Variants in EFHC2 observed in about 807,000 individuals in gnomAD.
The protein encoded by EFHC2 is EF-hand domain containing 2.
In EFHC2, 18 loss-of-function variants were observed where a neutral mutation model predicts 52.7. The ratio of observed to expected loss-of-function variants is 0.34; its 90% CI spans 0.24 to 0.51. The LOEUF (loss-of-function observed/expected upper bound fraction) is 0.51, where lower values mean the gene tolerates loss of function less well. Ranked by LOEUF, EFHC2 falls within the 20% of genes least tolerant of loss-of-function variation. The probability of loss-of-function intolerance (pLI) is 0.97; values close to 1 mark genes in which losing one functional copy is unlikely to be tolerated. For synonymous variants in EFHC2, 203 were observed against 204.1 expected, an observed-to-expected ratio of 0.99 and a Z score of 0.04; for missense variants, 513 against 562.5, an observed-to-expected ratio of 0.91 and a Z score of 0.89.
intron 13 of EFHC2, among the ~76,000 whole-genome samples, chrX:44,167,707 A>C (rs1273928825): frequency 8.9e-6 from 1 of 111,955 alleles, no homozygotes; most frequent in East Asian, 2.8e-4. Context: ...AAAATACTCC[A>C]AGTTTTCCTT....
At chrX:44,330,307 G>T (rs903097991) in intron 1 of EFHC2, among the ~76,000 whole-genome samples, 34 of 110,289 alleles carry the variant, frequency 3.1e-4, no homozygotes, top group African/African-American at 1.1e-3. Flanking sequence ...TAGGCAGTGA[G>T]TCCTTAGACT....
chrX:44,151,991 G>A (rs964186983), intron 14 of EFHC2, among the ~76,000 whole-genome samples: 1 of 111,676 alleles, frequency 9.0e-6, no homozygotes, highest in Non-Finnish European at 1.9e-5. Flanking sequence ...ATATAACATT[G>A]TCATAGAATC....
chrX:44,159,923 G>A (rs772090946), intron 14 of EFHC2, among the ~76,000 whole-genome samples: 2 of 112,832 alleles, frequency 1.8e-5, no homozygotes, highest in Non-Finnish European at 3.7e-5. Context: ...GAGAGGTATT[G>A]TGGTAAGTGA....
chrX:44,211,116 A>T (rs1205975069), intron 11 of EFHC2, among the ~76,000 whole-genome samples: 1 of 112,444 alleles, frequency 8.9e-6, no homozygotes, highest in South Asian at 3.7e-4. Flanking sequence ...ATACTACTAC[A>T]CAGCTATTAG....
intron 3 of EFHC2, among the ~76,000 whole-genome samples, chrX:44,270,315 G>A (rs1328711118): frequency 9.0e-6 from 1 of 111,719 alleles, no homozygotes; most frequent in Non-Finnish European, 1.9e-5. Flanking sequence ...GAGCATTGAA[G>A]GAAGTCCTCT....
intron 1 of EFHC2, among the ~76,000 whole-genome samples, chrX:44,328,130 C>T (rs1021762193): frequency 9.0e-6 from 1 of 111,685 alleles, no homozygotes; most frequent in African/African-American, 3.3e-5. Flanking sequence ...ATTCGTGCAG[C>T]CATTCCCAAA....
At position 44,248,462 on chromosome X, in the gene EFHC2, C is replaced by G. The variant is rs745346153; in HGVS notation, c.973-52G>C. 2.7e-6 allele frequency: 3 copies of G among 1,126,182 alleles called. No homozygotes were observed. In the African/African-American group the frequency reaches 5.5e-5, roughly 21 times the overall value. 92.8% of individuals were successfully genotyped at this position (1,126,182 alleles called of 1,213,427 possible). ...TGGCACCATGGACCCTCCAAAGAAC[C>G]AGGAACCCCTTCCCAGAGAAAAAAA... On this transcript the variant is annotated intron_variant, in intron 6 of 14. Coordinates refer to ENST00000420999, the MANE Select transcript of EFHC2 (RefSeq NM_025184.4).
chrX:44,340,747 A>G (rs1209574291), intron 1 of EFHC2, among the ~76,000 whole-genome samples: 1 of 112,419 alleles, frequency 8.9e-6, no homozygotes, highest in Non-Finnish European at 1.9e-5. Flanking sequence ...CAGGAAGTAC[A>G]GATTATAACT....
At chrX:44,170,786 T>C (rs1436486937) in intron 13 of EFHC2, among the ~76,000 whole-genome samples, 2 of 111,907 alleles carry the variant, frequency 1.8e-5, no homozygotes, top group African/African-American at 6.5e-5. Context: ...TGATCCATGG[T>C]CAAAGGACAA....
intron 4 of EFHC2, among the ~76,000 whole-genome samples, chrX:44,257,905 C>G (rs1158403987): frequency 8.9e-6 from 1 of 111,885 alleles, no homozygotes; most frequent in Admixed American, 9.5e-5. Flanking sequence ...TTACAGTAAC[C>G]AAAACAGCAT....
chrX:44,220,467 G>A (rs2037184924), intron 11 of EFHC2, among the ~76,000 whole-genome samples: 1 of 111,779 alleles, frequency 8.9e-6, no homozygotes, highest in Admixed American at 9.5e-5. Flanking sequence ...TGGCTATTCT[G>A]TCAGCCTCAG....
At chrX:44,208,033 TAC>T (rs1214524861) in intron 11 of EFHC2, among the ~76,000 whole-genome samples, 1 of 112,554 alleles carries the variant, frequency 8.9e-6, no homozygotes, top group Non-Finnish European at 1.9e-5. Flanking sequence ...GGAATGCTTA[TAC>T]ACTGTTGGTG....
chrX:44,314,561 G>A (rs957563179), intron 1 of EFHC2, among the ~76,000 whole-genome samples: 5 of 110,231 alleles, frequency 4.5e-5, no homozygotes, highest in African/African-American at 1.0e-4. Flanking sequence ...GTCCCTTAGG[G>A]AATCAATTGT....
At chrX:44,155,930 T>G (rs902547781) in intron 14 of EFHC2, among the ~76,000 whole-genome samples, 1 of 112,431 alleles carries the variant, frequency 8.9e-6, no homozygotes, top group African/African-American at 3.2e-5. Context: ...ACCAGAAGAT[T>G]AGCTTATATT....
chrX:44,268,471 G>T (rs1052486057), intron 3 of EFHC2, among the ~76,000 whole-genome samples: 6 of 111,464 alleles, frequency 5.4e-5, no homozygotes, highest in African/African-American at 2.0e-4. Context: ...CACTTTAAAG[G>T]TAATAATGAA....
At chrX:44,183,737 T>C (rs530256690) in intron 11 of EFHC2, among the ~76,000 whole-genome samples, 1 of 111,754 alleles carries the variant, frequency 8.9e-6, no homozygotes, top group African/African-American at 3.3e-5. Context: ...GTATAAGTGG[T>C]TTCTTCCGGA....
chrX:44,159,936 T>C (rs1303053278), intron 14 of EFHC2, among the ~76,000 whole-genome samples: 1 of 112,649 alleles, frequency 8.9e-6, no homozygotes, highest in Non-Finnish European at 1.9e-5. Flanking sequence ...GTAAGTGACT[T>C]GTGTATATTG....
chrX:44,211,568 T>G, intron 11 of EFHC2, among the ~76,000 whole-genome samples: 1 of 98,559 alleles, frequency 1.0e-5, no homozygotes, highest in East Asian at 3.3e-4. Flanking sequence ...AAAGAAAAAA[T>G]AAAAAAAGAT....
At chrX:44,329,607 ATT>A (rs200198873) in intron 1 of EFHC2, among the ~76,000 whole-genome samples, 104 of 102,635 alleles carry the variant, frequency 1.0e-3, no homozygotes, top group African/African-American at 3.6e-3. Context: ...GGATCACAGA[ATT>A]TTTTTTTTTT....
Sources: gnomAD v4.1 joint callset for allele counts (sites outside exome capture counted in the v4.1 genomes callset) on GRCh38, gnomAD v4.1.1 for gene constraint, MANE v1.5 for transcripts, NCBI Gene and HGNC (gene_info 2026-07-23, HGNC 2026-07-21) for gene names.